DLG2: variants seen among roughly 807,000 people sequenced by gnomAD.
DLG2 encodes discs large MAGUK scaffold protein 2, also known as disks large homolog 2.
In DLG2, 45 loss-of-function variants were observed where a neutral mutation model predicts 132.5. That is an observed-to-expected ratio of 0.34 (90% CI 0.27 to 0.44). The LOEUF is 0.44. Among genes scored for constraint, DLG2 ranks in the 20% least tolerant of loss-of-function variants. DLG2 has a pLI of 1.00. For synonymous variants in DLG2, 424 were observed against 419.6 expected (o/e 1.01, Z -0.13); for missense variants, 1,045 against 1,196.9 (o/e 0.87, Z 1.87).
At chr11:83,679,101 C>A (rs2078282512) in intron 18 of DLG2, among the ~76,000 whole-genome samples, 1 of 152,134 alleles carries the variant, frequency 6.6e-6, no homozygotes, top group East Asian at 1.9e-4. Context: ...TCGTGTGGAT[C>A]CTGAAATCAG....
rs372287091 is a variant in DLG2 at position 84,288,680 on chromosome 11, C to G, written c.520-37389G>C. On this transcript the variant is annotated intron_variant, in intron 7 of 27. Transcript: ENST00000376104. The stretch of plus-strand genomic sequence containing the variant: ...AATGCTAATGTATCAACAGAAAAAC[C>G]CCTAAATGAAACGAAATAAAACATT... Among the ~76,000 whole-genome samples the G allele has an allele frequency of 6.6e-4, 100 of 152,070 alleles. 1 individual carries two copies. In the South Asian group the frequency reaches 0.013, roughly 19 times the overall value.
chr11:83,975,912 G>C (rs1276472333), intron 12 of DLG2, among the ~76,000 whole-genome samples: 2 of 151,820 alleles, frequency 1.3e-5, no homozygotes, highest in Non-Finnish European at 2.9e-5. Flanking sequence ...CTAATAAATA[G>C]TTTTCGGGAG....
At chr11:84,954,350 T>TAA (rs11366441) in intron 6 of DLG2, among the ~76,000 whole-genome samples, 207 of 113,846 alleles carry the variant, frequency 1.8e-3, no homozygotes, top group Non-Finnish European at 3.3e-3. Flanking sequence ...TCTTAAAGGA[T>TAA]AAAAAAAAAA....
At chr11:85,610,379 C>T (rs1360734914) in intron 2 of DLG2, among the ~76,000 whole-genome samples, 2 of 152,172 alleles carry the variant, frequency 1.3e-5, no homozygotes, top group Non-Finnish European at 1.5e-5. Flanking sequence ...ATACCCTGCT[C>T]TCTCAAATAT....
intron 7 of DLG2, chr11:84,316,931 G>A: frequency 6.2e-7 from 1 of 1,612,782 alleles, no homozygotes; most frequent in East Asian, 2.2e-5. Flanking sequence ...GTCCCACAAG[G>A]TCCTGTTGAA....
chr11:84,138,098 G>T (rs1016259936), intron 9 of DLG2, among the ~76,000 whole-genome samples: 3 of 152,146 alleles, frequency 2.0e-5, no homozygotes, highest in African/African-American at 7.2e-5. Flanking sequence ...ATTTGAACAA[G>T]TCTCAGTTCA....
rs568484128 is a variant in DLG2, at chr11:84,399,883, A to T, written c.519+134687T>A. 1.3e-4 allele frequency among the ~76,000 whole-genome samples: 20 copies of T among 152,336 alleles called. No homozygotes were observed. The East Asian group carries it at 1.9e-3, about 15-fold the overall frequency. On this transcript the variant is annotated intron_variant, in intron 7 of 27. Transcript: ENST00000376104. Reference sequence around the variant, plus strand: ...AACCTTTGTTCAGCACGTCTGGCCCACTACGTTTGGCTGTACGTATGTCTA... The same window carrying T: ...AACCTTTGTTCAGCACGTCTGGCCCTCTACGTTTGGCTGTACGTATGTCTA...
At chr11:83,769,835 GATTAC>G (rs2153787474) in intron 18 of DLG2, among the ~76,000 whole-genome samples, 1 of 152,224 alleles carries the variant, frequency 6.6e-6, no homozygotes, top group East Asian at 1.9e-4. Flanking sequence ...AAAGTGCTGG[GATTAC>G]AGGCGTGAGC....
At chr11:84,072,428 A>G (rs2096771479) in intron 10 of DLG2, among the ~76,000 whole-genome samples, 1 of 152,232 alleles carries the variant, frequency 6.6e-6, no homozygotes, top group Admixed American at 6.5e-5. Context: ...GAAAAATGCT[A>G]TTAAAATTCA....
At chr11:85,357,285 T>TGTGTTC (rs2083780336) in intron 3 of DLG2, among the ~76,000 whole-genome samples, 2 of 148,334 alleles carry the variant, frequency 1.3e-5, no homozygotes, top group Admixed American at 1.3e-4. Flanking sequence ...TGTGTGTGTG[T>TGTGTTC]GTGTTCATGC....
intron 4 of DLG2, among the ~76,000 whole-genome samples, chr11:85,213,533 G>A (rs2082384008): frequency 6.6e-6 from 1 of 152,136 alleles, no homozygotes; most frequent in Non-Finnish European, 1.5e-5. Flanking sequence ...AGAAGCAGTT[G>A]TGAAAACCAA....
chr11:85,481,834 C>T (rs2093299965), intron 3 of DLG2, among the ~76,000 whole-genome samples: 4 of 152,060 alleles, frequency 2.6e-5, no homozygotes, highest in Admixed American at 6.5e-5. Flanking sequence ...TGGATGGAGA[C>T]TCCAGGCTTG....
At chr11:85,083,023 A>G (rs543934739) in intron 6 of DLG2, among the ~76,000 whole-genome samples, 2 of 152,198 alleles carry the variant, frequency 1.3e-5, no homozygotes, top group Admixed American at 1.3e-4. Flanking sequence ...TGGGGCCCAG[A>G]CTCAAGACCA....
intron 6 of DLG2, among the ~76,000 whole-genome samples, chr11:84,611,336 G>A (rs1231943732): frequency 6.6e-6 from 1 of 152,090 alleles, no homozygotes; most frequent in Non-Finnish European, 1.5e-5. Flanking sequence ...TGACAGTAGA[G>A]AAAACGCCAT....
chr11:85,410,074 A>G (rs1321528067), intron 3 of DLG2, among the ~76,000 whole-genome samples: 2 of 151,904 alleles, frequency 1.3e-5, no homozygotes, highest in Non-Finnish European at 2.9e-5. Flanking sequence ...AGCATTAAAC[A>G]TATGTGCTCA....
intron 18 of DLG2, among the ~76,000 whole-genome samples, chr11:83,660,422 T>C (rs1045274736): frequency 1.3e-5 from 2 of 152,174 alleles, no homozygotes; most frequent in African/African-American, 4.8e-5. Context: ...TACAACAAAA[T>C]CCACATTGGT....
chr11:85,553,960 T>C (rs1337005611), intron 3 of DLG2, among the ~76,000 whole-genome samples: 1 of 151,312 alleles, frequency 6.6e-6, no homozygotes, highest in African/African-American at 2.4e-5. Context: ...ATTTAGAAAG[T>C]AACAGCATGA....
chr11:83,833,363 G>C (rs946431150), intron 17 of DLG2, among the ~76,000 whole-genome samples: 41 of 152,080 alleles, frequency 2.7e-4, no homozygotes, highest in Non-Finnish European at 4.6e-4. Context: ...ACCTCAACCC[G>C]GGAGGCAGAG....
intron 9 of DLG2, among the ~76,000 whole-genome samples, chr11:84,150,970 G>A (rs377642746): frequency 6.6e-6 from 1 of 152,138 alleles, no homozygotes; most frequent in Non-Finnish European, 1.5e-5. Flanking sequence ...CTTCCTTGTA[G>A]TGAATTACCT....
Sources: gnomAD v4.1 joint callset for allele counts (sites outside exome capture counted in the v4.1 genomes callset) on GRCh38, gnomAD v4.1.1 for gene constraint, MANE v1.5 for transcripts, NCBI Gene and HGNC (gene_info 2026-07-23, HGNC 2026-07-21) for gene names.